Variants in TMTC1 observed in about 807,000 individuals in gnomAD.
TMTC1 encodes protein O-mannosyl-transferase TMTC1.
In TMTC1, 73 loss-of-function variants were observed where a neutral mutation model predicts 104.8. The ratio of observed to expected loss-of-function variants is 0.70; its 90% confidence interval spans 0.58 to 0.85. The LOEUF (loss-of-function observed/expected upper bound fraction) is 0.85, where lower values mean the gene tolerates loss of function less well. TMTC1 is among the 40% of genes least tolerant of loss of function. The pLI is 0.00. For synonymous variants in TMTC1, 434 were observed against 428.7 expected (o/e 1.01, Z -0.15); for missense variants, 1,035 against 1,096.1 (o/e 0.94, Z 0.79).
intron 10 of TMTC1, among the ~76,000 whole-genome samples, chr12:29,543,574 T>C (rs139857598): frequency 0.011 from 1,705 of 152,324 alleles, 42 homozygotes; most frequent in African/African-American, 0.038. Flanking sequence ...GTGTCTGTTG[T>C]TGTTGGATTC....
intron 5 of TMTC1, among the ~76,000 whole-genome samples, chr12:29,744,290 T>C (rs1013790270): frequency 1.3e-5 from 2 of 152,152 alleles, no homozygotes; most frequent in African/African-American, 4.8e-5. Flanking sequence ...TTAGAAACTA[T>C]CAACTGCTAA....
chr12:29,663,939 A>G (rs1455957501), intron 5 of TMTC1, among the ~76,000 whole-genome samples: 4 of 152,156 alleles, frequency 2.6e-5, no homozygotes, highest in African/African-American at 9.7e-5. Flanking sequence ...GGCACCAAAT[A>G]ATTTATTGTT....
chr12:29,751,530 G>A lies in TMTC1; in HGVS notation c.938+136C>T, dbSNP rs984298701. On this transcript the variant is annotated intron_variant, in intron 5 of 17. Coordinates refer to ENST00000539277, the MANE Select transcript of TMTC1 (RefSeq NM_001193451.2). ...GAGGGAAATAGGGACAGGAAGAAGGGGGTAAGGAGGGAAGCATGAAGAGAG... is the reference window on the plus strand; with the variant it reads ...GAGGGAAATAGGGACAGGAAGAAGGAGGTAAGGAGGGAAGCATGAAGAGAG... 4 of 852,748 alleles carry A rather than the reference G, an allele frequency of 4.7e-6. No individual in the cohort carries two copies. The African/African-American group carries it at 5.0e-5, about 11-fold the overall frequency. The allele number at this position is 852,748 out of a possible 1,614,324, so 52.8% of individuals were successfully genotyped here.
intron 5 of TMTC1, among the ~76,000 whole-genome samples, chr12:29,742,567 A>G (rs984155739): frequency 7.9e-5 from 12 of 152,186 alleles, no homozygotes; most frequent in African/African-American, 2.4e-4. Flanking sequence ...TCTATCTAAA[A>G]AGCTAGTAAA....
chr12:29,648,226 C>T (rs1939356767), intron 5 of TMTC1, among the ~76,000 whole-genome samples: 1 of 152,142 alleles, frequency 6.6e-6, no homozygotes, highest in African/African-American at 2.4e-5. Flanking sequence ...ATCTGGACTT[C>T]AGAACTCATA....
intron 8 of TMTC1, among the ~76,000 whole-genome samples, chr12:29,580,750 C>G (rs886261040): frequency 6.6e-6 from 1 of 152,180 alleles, no homozygotes; most frequent in Non-Finnish European, 1.5e-5. Flanking sequence ...CTCAGACCTA[C>G]AAGAGCATGA....
chr12:29,677,136 ACTGG>A (rs1012271856), intron 5 of TMTC1, among the ~76,000 whole-genome samples: 3 of 152,302 alleles, frequency 2.0e-5, no homozygotes, highest in African/African-American at 7.2e-5. Flanking sequence ...AAATAAATTC[ACTGG>A]CCTCTAATTT....
chr12:29,699,756 G>A (rs1941531524), intron 5 of TMTC1, among the ~76,000 whole-genome samples: 1 of 145,728 alleles, frequency 6.9e-6, no homozygotes, highest in Non-Finnish European at 1.5e-5. Context: ...GGGCTCAAGC[G>A]ATCCTCCTGA....
chr12:29,525,851 T>A (rs1429429537), intron 11 of TMTC1, among the ~76,000 whole-genome samples: 1 of 152,212 alleles, frequency 6.6e-6, no homozygotes, highest in Non-Finnish European at 1.5e-5. Flanking sequence ...GTATCTGAAA[T>A]ACCTTATTTG....
At chr12:29,587,515 G>T (rs1946171191) in intron 7 of TMTC1, among the ~76,000 whole-genome samples, 1 of 151,900 alleles carries the variant, frequency 6.6e-6, no homozygotes, top group South Asian at 2.1e-4. Context: ...GTATTTTTCT[G>T]TAGAGATGGG....
At chr12:29,728,175 A>C (rs1942450093) in intron 5 of TMTC1, among the ~76,000 whole-genome samples, 1 of 152,152 alleles carries the variant, frequency 6.6e-6, no homozygotes, top group African/African-American at 2.4e-5. Context: ...CAGCACCCTA[A>C]TCCTCTGTGA....
At chr12:29,709,178 T>C (rs1270000895) in intron 5 of TMTC1, among the ~76,000 whole-genome samples, 1 of 152,172 alleles carries the variant, frequency 6.6e-6, no homozygotes, top group African/African-American at 2.4e-5. Context: ...ATTTCAATAT[T>C]TGGAGAAAAG....
chr12:29,536,057 T>C (rs1436172645), intron 11 of TMTC1, 152 bp downstream of exon 11: 4 of 623,406 alleles, frequency 6.4e-6, no homozygotes, highest in Non-Finnish European at 1.1e-5. Flanking sequence ...GTGAGAAAAT[T>C]AGGCTTGTAA....
At chr12:29,540,012 G>A (rs947937742) in intron 10 of TMTC1, among the ~76,000 whole-genome samples, 2 of 152,042 alleles carry the variant, frequency 1.3e-5, no homozygotes, top group Non-Finnish European at 2.9e-5. Flanking sequence ...TTAAGAAAAC[G>A]AAGAACATAT....
intron 11 of TMTC1, among the ~76,000 whole-genome samples, chr12:29,530,678 CT>C (rs1359640384): frequency 4.6e-5 from 7 of 152,306 alleles, no homozygotes; most frequent in African/African-American, 1.7e-4. Context: ...AAAGCACCTG[CT>C]TTTGCTTTCT....
Position 29,536,918 on chromosome 12 carries a change from C to T in TMTC1, c.1677-601G>A, listed in dbSNP as rs539348893. Among the ~76,000 whole-genome samples, 6 of 152,230 alleles carry T rather than the reference C, an allele frequency of 3.9e-5. No homozygotes were observed. The East Asian group carries it at 1.2e-3, about 29-fold the overall frequency. On this transcript the variant is annotated intron_variant, in intron 10 of 17. Transcript: ENST00000539277. ...ATCATATTTTTACTGAAAATTGAGG[C>T]TAATTCTGTCTTCTTCATTTGGTTC...
intron 10 of TMTC1, among the ~76,000 whole-genome samples, chr12:29,545,991 C>T (rs1944932990): frequency 6.6e-6 from 1 of 152,156 alleles, no homozygotes; most frequent in Non-Finnish European, 1.5e-5. Context: ...AGGTAAAATC[C>T]TTTTCCCAAG....
intron 5 of TMTC1, among the ~76,000 whole-genome samples, chr12:29,727,764 G>C (rs887450033): frequency 6.8e-6 from 1 of 146,138 alleles, no homozygotes; most frequent in Admixed American, 7.0e-5. Context: ...TGTTGCAAAA[G>C]GATAATGAAT....
chr12:29,734,656 C>G (rs1001308605), intron 5 of TMTC1, among the ~76,000 whole-genome samples: 1 of 152,128 alleles, frequency 6.6e-6, no homozygotes, highest in Admixed American at 6.5e-5. Flanking sequence ...TCATGCCTTT[C>G]CTATTGGGCT....
Sources: allele counts gnomAD v4.1 joint callset (sites outside exome capture counted in the v4.1 genomes callset), GRCh38; gene constraint gnomAD v4.1.1; transcripts MANE v1.5; gene names NCBI Gene and HGNC (gene_info 2026-07-23, HGNC 2026-07-21).